The following BPGM variants were observed in gnomAD, a reference collection of about 807,000 sequenced individuals.
BPGM encodes 2,3-bisphosphoglycerate mutase, erythrocyte.
BPGM carries 15 observed loss-of-function variants against 21.6 expected under a neutral mutation model. That is an observed-to-expected ratio of 0.70 (90% CI 0.47 to 1.07). The LOEUF (loss-of-function observed/expected upper bound fraction) is 1.07. Among genes scored for constraint, BPGM ranks in the 50% least tolerant of loss-of-function variants. BPGM has a pLI of 0.00. For missense variants in BPGM, 273 were observed against 319.0 expected (o/e 0.86, Z 1.10); for synonymous variants, 113 against 116.2 (o/e 0.97, Z 0.18).
At chr7:134,665,954 T>C (rs1795814220) in intron 2 of BPGM, among the ~76,000 whole-genome samples, 1 of 152,150 alleles carries the variant, frequency 6.6e-6, no homozygotes, top group African/African-American at 2.4e-5. Flanking sequence ...CTTGGCCCAC[T>C]GCAACCTTCG....
chr7:134,673,988 C>T (rs373544320), intron 2 of BPGM, among the ~76,000 whole-genome samples: 10 of 148,842 alleles, frequency 6.7e-5, no homozygotes, highest in Admixed American at 2.7e-4. Context: ...TCTCGGTTCA[C>T]TGCAACCTCC....
chr7:134,663,274 T>G (rs1795764625), intron 2 of BPGM, among the ~76,000 whole-genome samples: 1 of 152,206 alleles, frequency 6.6e-6, no homozygotes, highest in South Asian at 2.1e-4. Context: ...ACTAAATCAT[T>G]ACTTGTATAG....
At chr7:134,660,387 A>C (rs571796938) in intron 1 of BPGM, 2 of 152,468 alleles carry the variant, frequency 1.3e-5, no homozygotes, top group Middle Eastern at 3.4e-3. Context: ...CCGGGCGTGT[A>C]AACCAAGCAT....
At chr7:134,654,507 T>C (rs2131418785) in intron 1 of BPGM, among the ~76,000 whole-genome samples, 1 of 152,178 alleles carries the variant, frequency 6.6e-6, no homozygotes, top group East Asian at 1.9e-4. Context: ...GAAATGGGAG[T>C]AATCATAGTA....
intron 1 of BPGM, among the ~76,000 whole-genome samples, chr7:134,658,892 A>ATTTTTTTTTTTTTTTTT (rs1554411129): frequency 0.03 from 4,293 of 142,602 alleles, 106 homozygotes; most frequent in Non-Finnish European, 0.045. Flanking sequence ...GTGTGTGTGT[A>ATTTTTTTTTTTTTTTTT]TTTTTTTTTT....
chr7:134,657,369 C>T (rs1055781421), intron 1 of BPGM, among the ~76,000 whole-genome samples: 10 of 152,176 alleles, frequency 6.6e-5, no homozygotes, highest in Admixed American at 5.2e-4. Context: ...GAAAGCCTTG[C>T]AGGTCACATG....
intron 1 of BPGM, among the ~76,000 whole-genome samples, chr7:134,659,372 CGTGTGTGT>C (rs66893203): frequency 0.014 from 2,038 of 145,360 alleles, 41 homozygotes; most frequent in East Asian, 0.079. Flanking sequence ...CACACCCCTC[CGTGTGTGT>C]GTGTGTGTGT....
At chr7:134,664,473 C>T (rs932143528) in intron 2 of BPGM, among the ~76,000 whole-genome samples, 3 of 152,174 alleles carry the variant, frequency 2.0e-5, no homozygotes, top group Non-Finnish European at 2.9e-5. Flanking sequence ...AGCCTGCCGC[C>T]TCCCACCAGT....
chr7:134,661,875 C>T lies in BPGM; in HGVS notation c.368C>T (p.Pro123Leu), dbSNP rs201783021. The change falls in exon 2 of 3, where the codon CCG (proline) becomes CTG (leucine). Residue 123 changes from proline to leucine, a missense_variant. Transcript: ENST00000344924. The surrounding 1 kb of genome is among the most constrained non-coding windows in gnomAD (Gnocchi z 4.6). ...RLWRRSYNVT[P>L]PPIEESHPYY... ...TGGAGAAGAAGCTACAATGTAACCC[C>T]GCCTCCCATTGAGGAGTCTCATCCT... 4.2e-5 allele frequency: 67 copies of T among 1,607,590 alleles called. No homozygotes were observed. The highest frequency in any genetic ancestry group is 1.7e-4 in the Middle Eastern group (1 of 6,050).
intron 2 of BPGM, among the ~76,000 whole-genome samples, chr7:134,678,600 A>G (rs1187251730): frequency 6.6e-6 from 1 of 152,216 alleles, no homozygotes; most frequent in East Asian, 1.9e-4. Flanking sequence ...TTTCGGATTT[A>G]GATAGGAAAC....
At position 134,662,002 on chromosome 7, in the gene BPGM, C is replaced by A; in HGVS notation, c.495C>A (p.Leu165=). 3 of 1,614,138 alleles carry A rather than the reference C, an allele frequency of 1.9e-6. No individual in the cohort carries two copies. The highest frequency in any genetic ancestry group is 1.1e-5 in the South Asian group (1 of 91,086). ...GCTTAAAGGATGTTCTGGAGAGACT[C>A]CTTCCCTATTGGAATGAAAGGATTG... is the stretch of plus-strand genomic sequence containing the variant. ...SESLKDVLER[L]LPYWNERIAP... The change falls in exon 2 of 3, where the codon CTC becomes CTA. Residue 165 remains leucine (L), a synonymous_variant. Transcript: ENST00000344924.
rs901476075 is a variant in BPGM at position 134,661,857 on chromosome 7, G to A, written c.350G>A (p.Arg117Lys). The part of the protein sequence containing the change: ...HGEEQVRLWR[R>K]SYNVTPPPIE... ...GAAGAACAAGTGAGGCTCTGGAGAA[G>A]AAGCTACAATGTAACCCCGCCTCCC... is the stretch of plus-strand genomic sequence containing the variant. The change falls in exon 2 of 3, where the codon AGA (arginine) becomes AAA (lysine). Residue 117 changes from arginine (R) to lysine (K), a missense_variant. Physicochemically the swap from Arg to Lys is conservative, Grantham distance 26. Coordinates refer to ENST00000344924, the MANE Select transcript of BPGM (RefSeq NM_001724.5). The surrounding 1 kb of genome is among the most constrained non-coding windows in gnomAD (Gnocchi z 4.6). 1.2e-6 allele frequency: 2 copies of A among 1,607,530 alleles called. No individual in the cohort carries two copies. Among genetic ancestry groups the A allele is most frequent in the African/African-American group, 2.7e-5 (2 of 74,596 alleles).
At chr7:134,649,205 G>A (rs530693799) in intron 1 of BPGM, among the ~76,000 whole-genome samples, 2 of 151,572 alleles carry the variant, frequency 1.3e-5, no homozygotes, top group African/African-American at 4.9e-5. Flanking sequence ...ACCCTGTTGT[G>A]CTAGCAAATA....
intron 2 of BPGM, among the ~76,000 whole-genome samples, chr7:134,678,465 G>A (rs1433744148): frequency 6.6e-6 from 1 of 152,192 alleles, no homozygotes; most frequent in East Asian, 1.9e-4. Flanking sequence ...ACCAGCCTGG[G>A]TACAACACAT....
chr7:134,662,402 C>T (rs929226634), intron 2 of BPGM, among the ~76,000 whole-genome samples: 8 of 152,100 alleles, frequency 5.3e-5, no homozygotes, highest in African/African-American at 7.2e-5. Flanking sequence ...AGGTCTGGGG[C>T]GCACCCTGAG....
At chr7:134,677,120 A>G (rs529677490) in intron 2 of BPGM, among the ~76,000 whole-genome samples, 40 of 152,342 alleles carry the variant, frequency 2.6e-4, no homozygotes, top group African/African-American at 8.7e-4. Context: ...TCTGCTACCT[A>G]GAAGGGAATT....
intron 1 of BPGM, among the ~76,000 whole-genome samples, chr7:134,657,454 TTTAA>T: frequency 6.6e-6 from 1 of 152,040 alleles, no homozygotes; most frequent in South Asian, 2.1e-4. Context: ...TTTCAAGGAG[TTTAA>T]TTGTTAGTTT....
chr7:134,649,327 T>C (rs1795519990), intron 1 of BPGM, among the ~76,000 whole-genome samples: 1 of 152,224 alleles, frequency 6.6e-6, no homozygotes, highest in African/African-American at 2.4e-5. Context: ...TACCGAAGTA[T>C]AATGTGGCAG....
In BPGM at chr7:134,646,863, A is replaced by C. The variant is rs892616567; in HGVS notation, c.-136A>C. ...GATGCCGGCGGCAGTGATGAGTCCT[A>C]GGAGGCGCTGGCTCTTTGGCGGCTC... On this transcript the variant is annotated 5_prime_UTR_variant, in exon 1 of 3. Transcript: ENST00000344924. 1 of 183,714 alleles carries C rather than the reference A, an allele frequency of 5.4e-6. No individual in the cohort carries two copies. Among genetic ancestry groups the C allele is most frequent in the African/African-American group, 2.4e-5 (1 of 42,020 alleles). The allele number at this position is 183,714 out of a possible 1,614,324, so 11.4% of individuals were successfully genotyped here. A position where few individuals can be genotyped will look rare whatever the true frequency, so the allele number is the denominator to read the frequency against.
Sources: gnomAD v4.1 joint callset for allele counts (sites outside exome capture counted in the v4.1 genomes callset) on GRCh38, gnomAD v4.1.1 for gene constraint, Gnocchi (gnomAD v3.1) non-coding constraint, MANE v1.5 for transcripts, NCBI Gene and HGNC (gene_info 2026-07-23, HGNC 2026-07-21) for gene names.